The following PEX5 variants were observed in gnomAD, a reference collection of about 807,000 sequenced individuals.
The protein encoded by PEX5 is PTS1 receptor.
In PEX5, 52 loss-of-function variants were observed where a neutral mutation model predicts 82.9. That is an observed-to-expected ratio of 0.63 (90% CI 0.50 to 0.79). The LOEUF (loss-of-function observed/expected upper bound fraction) is 0.79, where lower values mean the gene tolerates loss of function less well. PEX5 is among the 30% of genes least tolerant of loss of function. PEX5 has a pLI of 0.00. For synonymous variants in PEX5, 300 were observed against 318.8 expected (o/e 0.94, Z 0.63); for missense variants, 719 against 815.2 (o/e 0.88, Z 1.44).
intron 17 of PEX5, among the ~76,000 whole-genome samples, chr12:7,217,370 C>T (rs985970529): frequency 5.3e-5 from 8 of 152,204 alleles, no homozygotes; most frequent in African/African-American, 9.6e-5. Context: ...GCAATCTGGG[C>T]GCTTCTTCGC....
Position 7,201,748 on chromosome 12 carries a change from C to T in PEX5, c.552-3C>T, listed in dbSNP as rs368653314. ...GTGTAAAATTAGTTCTTACCCGTTCCAGGTATGATGAATATCATCCTGAGG... is the reference window on the plus strand; with the variant it reads ...GTGTAAAATTAGTTCTTACCCGTTCTAGGTATGATGAATATCATCCTGAGG... On this transcript the variant is annotated splice_polypyrimidine_tract_variant and splice_region_variant and intron_variant, in intron 6 of 15. Transcript: ENST00000675855. The T allele has an allele frequency of 8.1e-6, 13 of 1,609,638 alleles. No individual in the cohort carries two copies. Among genetic ancestry groups the T allele is most frequent in the African/African-American group, 4.0e-5 (3 of 74,896 alleles).
At chr12:7,201,957 C>A in intron 7 of PEX5, 116 bp downstream of exon 7, 2 of 808,304 alleles carry the variant, frequency 2.5e-6, no homozygotes, top group Non-Finnish European at 4.2e-6. Flanking sequence ...TAGGTCTCTT[C>A]GTTCCTGTCT....
At position 7,189,704 on chromosome 12, in the gene PEX5, A is replaced by T; in HGVS notation, c.-63A>T. 1 of 373,808 alleles carries T rather than the reference A, an allele frequency of 2.7e-6. No homozygotes were observed. The highest frequency in any genetic ancestry group is 4.7e-6 in the Non-Finnish European group (1 of 213,212). The allele number at this position is 373,808 out of a possible 1,614,324, so 23.2% of individuals were successfully genotyped here. A position where few individuals can be genotyped will look rare whatever the true frequency, so the allele number is the denominator to read the frequency against. The stretch of plus-strand genomic sequence containing the variant: ...CCGCCCCCTCTTCTCCCCTCCCCCA[A>T]GCCAGCACCTGGTGCCCCGGCGGGT... On this transcript the variant is annotated 5_prime_UTR_variant, in exon 1 of 16. The change creates a new upstream start codon in the 5' untranslated region. Coordinates refer to ENST00000675855, the MANE Select transcript of PEX5 (RefSeq NM_001351132.2).
intron 6 of PEX5, among the ~76,000 whole-genome samples, chr12:7,200,783 G>A (rs1378002453): frequency 2.7e-5 from 4 of 149,486 alleles, no homozygotes; most frequent in African/African-American, 7.3e-5. Context: ...GCAGGCACTC[G>A]GCAGGCTGAA....
At position 7,210,851 on chromosome 12, in the gene PEX5, G is replaced by T. The variant is rs12316371; in HGVS notation, c.*628G>T. On this transcript the variant is annotated 3_prime_UTR_variant, in exon 16 of 16. Transcript: ENST00000675855. ...AATAGTCCTGTGTCATCACTGCAGC[G>T]GTCCTCAGGAGCTGCCAGGGCCAAT... 1 of 172,268 alleles carries T rather than the reference G, an allele frequency of 5.8e-6. No homozygotes were observed. The highest frequency in any genetic ancestry group is 2.4e-5 in the African/African-American group (1 of 41,842). The allele number at this position is 172,268 out of a possible 1,614,324, so 10.7% of individuals were successfully genotyped here. A position where few individuals can be genotyped will look rare whatever the true frequency, so the allele number is the denominator to read the frequency against.
rs1416810576 is a variant in PEX5, at chr12:7,197,252, T to TATGTAATAATTATATATGTCATATATA, written c.449-1724_449-1698dup. Among the ~76,000 whole-genome samples, 11 of 15,438 alleles carry TATGTAATAATTATATATGTCATATATA rather than the reference T, an allele frequency of 7.1e-4. 4 individuals carry two copies. The South Asian group carries it at 9.0e-3, about 13-fold the overall frequency. 10.1% of individuals were successfully genotyped at this position (15,438 alleles called of 152,430 possible). A position where few individuals can be genotyped will look rare whatever the true frequency, so the allele number is the denominator to read the frequency against. ...TGTCATATGTAATAATTATATGTCA[T>TATGTAATAATTATATATGTCATATATA]ATGTAATAATTATATATGTCATATA... On this transcript the variant is annotated intron_variant, in intron 5 of 15. Transcript: ENST00000675855.
downstream of PEX5, among the ~76,000 whole-genome samples, chr12:7,216,212 C>T (rs1230190892): frequency 6.6e-6 from 1 of 152,218 alleles, no homozygotes; most frequent in African/African-American, 2.4e-5. Context: ...AGGTGATCCA[C>T]CCGCCTTAGC....
chr12:7,192,973 G>A (rs1941428358), intron 5 of PEX5, among the ~76,000 whole-genome samples: 1 of 152,196 alleles, frequency 6.6e-6, no homozygotes, highest in Admixed American at 6.5e-5. Context: ...TAAGATCTGT[G>A]GGTCTCTTTT....
At chr12:7,189,657 C>A (rs1273522010), upstream of PEX5, 1 of 346,438 alleles carries the variant, frequency 2.9e-6, no homozygotes, top group Non-Finnish European at 5.1e-6. Context: ...CCCTTTAAGC[C>A]TGAGCCCCGC....
chr12:7,200,866 A>C (rs1288970863), intron 6 of PEX5, among the ~76,000 whole-genome samples: 2 of 151,484 alleles, frequency 1.3e-5, no homozygotes, highest in Non-Finnish European at 2.9e-5. Flanking sequence ...GCTCGGCATC[A>C]GAGGGAGACC....
intron 1 of PEX5, chr12:7,190,146 A>G (rs970120987): frequency 3.0e-5 from 44 of 1,484,480 alleles, no homozygotes; most frequent in Admixed American, 2.4e-4. Flanking sequence ...GCAGAGGCGC[A>G]GGCTGGAAGC....
chr12:7,214,241 A>G (rs1464067050), downstream of PEX5, among the ~76,000 whole-genome samples: 1 of 152,204 alleles, frequency 6.6e-6, no homozygotes, highest in Non-Finnish European at 1.5e-5. Context: ...CCAAAGGACT[A>G]CAAATCATGC....
chr12:7,218,167 T>G (rs1945833101), intron 17 of PEX5, among the ~76,000 whole-genome samples: 1 of 151,918 alleles, frequency 6.6e-6, no homozygotes, highest in Admixed American at 6.5e-5. Flanking sequence ...TATTGACGAT[T>G]ATTATGATAG....
At chr12:7,190,071 C>T (rs1402183392) in intron 1 of PEX5, 1 of 1,498,860 alleles carries the variant, frequency 6.7e-7, no homozygotes, top group African/African-American at 1.4e-5. Context: ...CCCCCGGGGT[C>T]CAGGCCCCTT....
rs3813737 is a variant in PEX5, at chr12:7,210,364, G to A, written c.*141G>A. The stretch of plus-strand genomic sequence containing the variant: ...GCCTTTCAGGAGCTGCCTCAACGTA[G>A]GGGTGGGTAGTCTGTGTTCTAGTTC... On this transcript the variant is annotated 3_prime_UTR_variant, in exon 16 of 16. Coordinates refer to ENST00000675855, the MANE Select transcript of PEX5 (RefSeq NM_001351132.2). 128,179 of 745,444 alleles carry A rather than the reference G, an allele frequency of 0.17. 12,194 individuals carry two copies. The highest frequency in any genetic ancestry group is 0.2 in the Non-Finnish European group (82,632 of 421,970). 46.2% of individuals were successfully genotyped at this position (745,444 alleles called of 1,614,324 possible).
rs758936844 is a variant in PEX5 at position 7,190,479 on chromosome 12, A to G, written c.102A>G (p.Gly34=). 1 of 1,613,566 alleles carries G rather than the reference A, an allele frequency of 6.2e-7. No individual in the cohort carries two copies. The highest frequency in any genetic ancestry group is 1.3e-5 in the African/African-American group (1 of 74,782). The change falls in exon 2 of 16, where the codon GGA becomes GGG. Residue 34 remains glycine (G), a synonymous_variant. Coordinates refer to ENST00000675855, the MANE Select transcript of PEX5 (RefSeq NM_001351132.2). ...AGGACAAGGCCCTTCGGCAGGAGGG[A>G]TTGAGGCCTGGCCCCTGGCCCCCCG... ...FTQDKALRQE[G]LRPGPWPPGA...
chr12:7,194,913 A>G (rs11613590), intron 5 of PEX5, among the ~76,000 whole-genome samples: 111,915 of 152,136 alleles, frequency 0.74, 41,933 homozygotes, highest in South Asian at 0.84. Flanking sequence ...AATGATAATA[A>G]CTAACATTTG....
chr12:7,217,416 C>T (rs977298088), intron 17 of PEX5, among the ~76,000 whole-genome samples: 12 of 152,204 alleles, frequency 7.9e-5, no homozygotes, highest in African/African-American at 2.9e-4. Context: ...GGCCACCTGC[C>T]GTCATTTGAT....
At chr12:7,216,801 T>G (rs1274449257) in intron 17 of PEX5, among the ~76,000 whole-genome samples, 2 of 152,194 alleles carry the variant, frequency 1.3e-5, no homozygotes, top group African/African-American at 4.8e-5. Flanking sequence ...TTCTTTTGTA[T>G]TTTTTCTTGT....
Sources: allele counts gnomAD v4.1 joint callset (sites outside exome capture counted in the v4.1 genomes callset), GRCh38; gene constraint gnomAD v4.1.1; transcripts MANE v1.5; gene names NCBI Gene and HGNC (gene_info 2026-07-23, HGNC 2026-07-21).